Variants in KCNQ5 observed in about 807,000 individuals in gnomAD.
KCNQ5 encodes the protein potassium voltage-gated channel subfamily Q member 5, also known as potassium voltage-gated channel subfamily KQT member 5.
KCNQ5 carries 30 observed loss-of-function variants against 98.2 expected under a neutral mutation model. The observed-to-expected ratio is 0.31, with a 90% CI of 0.23 to 0.41. KCNQ5 has a LOEUF of 0.41. Ranked by LOEUF, KCNQ5 falls within the 10% of genes least tolerant of loss-of-function variation. The probability of loss-of-function intolerance (pLI) is 1.00; values close to 1 mark genes in which losing one functional copy is unlikely to be tolerated. For missense variants in KCNQ5, 835 were observed against 1,182.5 expected, an observed-to-expected ratio of 0.71 and a Z score of 4.31; for synonymous variants, 458 against 449.4, an observed-to-expected ratio of 1.02 and a Z score of -0.24.
At chr6:72,659,024 T>C (rs1429164906) in intron 1 of KCNQ5, among the ~76,000 whole-genome samples, 1 of 152,230 alleles carries the variant, frequency 6.6e-6, no homozygotes, top group Non-Finnish European at 1.5e-5. Flanking sequence ...AGCTTAGCAG[T>C]TAGGCGGATA....
intron 5 of KCNQ5, among the ~76,000 whole-genome samples, chr6:73,097,277 T>C (rs1774552352): frequency 6.6e-6 from 1 of 151,166 alleles, no homozygotes; most frequent in African/African-American, 2.4e-5. Context: ...TCTTCTACCA[T>C]GGGTTTCATT....
intron 1 of KCNQ5, among the ~76,000 whole-genome samples, chr6:72,801,916 G>A (rs1022751591): frequency 1.3e-5 from 2 of 152,138 alleles, no homozygotes; most frequent in East Asian, 1.9e-4. Flanking sequence ...GAAATTCTGG[G>A]TTGGAAATTC....
intron 13 of KCNQ5, among the ~76,000 whole-genome samples, chr6:73,193,380 C>G (rs963531141): frequency 4.0e-5 from 6 of 151,314 alleles, no homozygotes; most frequent in African/African-American, 1.5e-4. Context: ...GTAGTCCTAA[C>G]ACTTTTGGAG....
chr6:72,634,988 T>A (rs1000432303), intron 1 of KCNQ5, among the ~76,000 whole-genome samples: 4 of 152,134 alleles, frequency 2.6e-5, no homozygotes, highest in Admixed American at 6.6e-5. Context: ...TCGTATTGCG[T>A]AGCAACTTAT....
chr6:73,047,964 A>G (rs1772045425), intron 3 of KCNQ5, among the ~76,000 whole-genome samples: 1 of 152,198 alleles, frequency 6.6e-6, no homozygotes. Flanking sequence ...AGGTTTTCAA[A>G]TTATGTTTGA....
At chr6:72,675,016 C>G (rs1256449402) in intron 1 of KCNQ5, among the ~76,000 whole-genome samples, 1 of 152,156 alleles carries the variant, frequency 6.6e-6, no homozygotes, top group African/African-American at 2.4e-5. Flanking sequence ...AAGTTATTTG[C>G]TAAGTTGCAC....
chr6:73,115,177 A>G (rs374872898), intron 7 of KCNQ5, among the ~76,000 whole-genome samples: 6 of 152,096 alleles, frequency 3.9e-5, no homozygotes, highest in East Asian at 1.9e-4. Context: ...AAAATCTTAG[A>G]TGTGAAAAAC....
chr6:72,700,291 A>ATATCTATCTATCTATC (rs70994146), intron 1 of KCNQ5, among the ~76,000 whole-genome samples: 2 of 149,064 alleles, frequency 1.3e-5, no homozygotes, highest in Non-Finnish European at 1.5e-5. Context: ...CTATATATCT[A>ATATCTATCTATCTATC]TATCTATCTA....
intron 1 of KCNQ5, among the ~76,000 whole-genome samples, chr6:72,958,108 A>C (rs533073088): frequency 1.3e-5 from 2 of 152,040 alleles, no homozygotes; most frequent in Non-Finnish European, 2.9e-5. Context: ...AATGAAAGGC[A>C]TCCAAGCTTT....
intron 1 of KCNQ5, among the ~76,000 whole-genome samples, chr6:72,940,273 A>G (rs1766159286): frequency 6.6e-6 from 1 of 152,260 alleles, no homozygotes; most frequent in East Asian, 1.9e-4. Context: ...AAACTGAATC[A>G]TTATGCATTA....
At chr6:72,663,710 G>A (rs2154473004) in intron 1 of KCNQ5, among the ~76,000 whole-genome samples, 1 of 152,162 alleles carries the variant, frequency 6.6e-6, no homozygotes, top group Admixed American at 6.5e-5. Flanking sequence ...TTAAAGTTTG[G>A]AGCTTTTAAA....
At chr6:73,193,836 C>CTTT (rs71540369) in intron 13 of KCNQ5, among the ~76,000 whole-genome samples, 2 of 124,576 alleles carry the variant, frequency 1.6e-5, no homozygotes, top group Admixed American at 8.4e-5. Flanking sequence ...AATGGGAAGT[C>CTTT]TTTTTTTTTT....
intron 1 of KCNQ5, among the ~76,000 whole-genome samples, chr6:72,627,035 G>T (rs2098918293): frequency 6.6e-6 from 1 of 152,162 alleles, no homozygotes; most frequent in Admixed American, 6.5e-5. Context: ...AGTCATTCAG[G>T]TGGAGATTTT....
At chr6:72,661,179 T>A (rs1766506109) in intron 1 of KCNQ5, among the ~76,000 whole-genome samples, 2 of 152,046 alleles carry the variant, frequency 1.3e-5, no homozygotes, top group South Asian at 2.1e-4. Context: ...TAATGTGTTA[T>A]TTAATACTTA....
chr6:73,065,863 A>C (rs976358288), intron 3 of KCNQ5, among the ~76,000 whole-genome samples: 1 of 152,196 alleles, frequency 6.6e-6, no homozygotes, highest in Non-Finnish European at 1.5e-5. Flanking sequence ...AATACTAAAA[A>C]CGGCCGGGCT....
intron 1 of KCNQ5, among the ~76,000 whole-genome samples, chr6:72,838,989 G>T (rs191435396): frequency 6.7e-6 from 1 of 149,126 alleles, no homozygotes; most frequent in East Asian, 2.0e-4. Flanking sequence ...GGAGCTGAGT[G>T]TGAAATTTGC....
intron 1 of KCNQ5, among the ~76,000 whole-genome samples, chr6:72,685,869 G>A (rs1231807687): frequency 6.6e-6 from 1 of 152,168 alleles, no homozygotes; most frequent in Non-Finnish European, 1.5e-5. Flanking sequence ...TTAAACAATA[G>A]ACATTTATTT....
At chr6:72,857,468 T>C (rs1777580574) in intron 1 of KCNQ5, among the ~76,000 whole-genome samples, 2 of 152,184 alleles carry the variant, frequency 1.3e-5, no homozygotes, top group African/African-American at 2.4e-5. Flanking sequence ...GCTTCTAATG[T>C]CGGTATATTT....
At chr6:73,134,567 G>T (rs949309146) in intron 10 of KCNQ5, among the ~76,000 whole-genome samples, 1 of 152,190 alleles carries the variant, frequency 6.6e-6, no homozygotes, top group Non-Finnish European at 1.5e-5. Context: ...CCCTGGAACC[G>T]CAGTCCACGG....
Sources: gnomAD v4.1 joint callset for allele counts (sites outside exome capture counted in the v4.1 genomes callset) on GRCh38, gnomAD v4.1.1 for gene constraint, MANE v1.5 for transcripts, NCBI Gene and HGNC (gene_info 2026-07-23, HGNC 2026-07-21) for gene names.